PCDH9: variants seen among roughly 807,000 people sequenced by gnomAD.
PCDH9 encodes protocadherin-9.
A neutral mutation model predicts 70.6 loss-of-function variants in PCDH9; 24 were observed. The ratio of observed to expected loss-of-function variants is 0.34; its 90% CI spans 0.25 to 0.48. The LOEUF (loss-of-function observed/expected upper bound fraction) is 0.48. Ranked by LOEUF, PCDH9 falls within the 20% of genes least tolerant of loss-of-function variation. PCDH9 has a pLI of 0.99. For missense variants in PCDH9, 1,281 were observed against 1,503.6 expected, an observed-to-expected ratio of 0.85 and a Z score of 2.45; for synonymous variants, 562 against 558.5, an observed-to-expected ratio of 1.01 and a Z score of -0.09.
intron 3 of PCDH9, among the ~76,000 whole-genome samples, chr13:66,813,251 A>G (rs758555943): frequency 1.3e-4 from 19 of 150,822 alleles, no homozygotes; most frequent in Non-Finnish European, 2.5e-4. Flanking sequence ...GAATTCCTAA[A>G]GTAATTCCGA....
chr13:66,716,456 G>T (rs1378847094), intron 3 of PCDH9, among the ~76,000 whole-genome samples: 1 of 152,258 alleles, frequency 6.6e-6, no homozygotes, highest in Admixed American at 6.5e-5. Flanking sequence ...CAGAAAATGG[G>T]GGTTTGGGGA....
chr13:66,329,896 T>C lies in PCDH9; in HGVS notation c.3341-24868A>G, dbSNP rs567811464. ...CTGAAGCAAAACAGGTCTTTCTTAT[T>C]ATAAGAAAGTACTGCATTTCTAGAA... On this transcript the variant is annotated intron_variant, in intron 4 of 4. Coordinates refer to ENST00000377865, the MANE Select transcript of PCDH9 (RefSeq NM_203487.3). 4.6e-5 allele frequency among the ~76,000 whole-genome samples: 7 copies of C among 152,326 alleles called. No homozygotes were observed. In the South Asian group the frequency reaches 1.4e-3, roughly 32 times the overall value.
At chr13:66,877,141 T>G (rs933119275) in intron 3 of PCDH9, among the ~76,000 whole-genome samples, 17 of 152,000 alleles carry the variant, frequency 1.1e-4, no homozygotes, top group Middle Eastern at 3.4e-3. Flanking sequence ...GACCAGTGTA[T>G]GCTATTTTTG....
chr13:66,869,023 T>C (rs985740822), intron 3 of PCDH9, among the ~76,000 whole-genome samples: 7 of 152,158 alleles, frequency 4.6e-5, no homozygotes, highest in African/African-American at 1.7e-4. Context: ...CAACTGACTA[T>C]ACAATGAAAT....
chr13:66,929,662 A>G (rs909357029), intron 2 of PCDH9, among the ~76,000 whole-genome samples: 3 of 152,086 alleles, frequency 2.0e-5, no homozygotes, highest in African/African-American at 7.2e-5. Context: ...TCTATACCAT[A>G]ATAATTTGTA....
chr13:67,175,767 T>C (rs2088434108), intron 2 of PCDH9, among the ~76,000 whole-genome samples: 1 of 152,178 alleles, frequency 6.6e-6, no homozygotes. Context: ...CACCTAAAAC[T>C]CATACCTCCA....
intron 2 of PCDH9, among the ~76,000 whole-genome samples, chr13:67,095,016 T>G (rs2086292058): frequency 6.6e-6 from 1 of 152,198 alleles, no homozygotes; most frequent in African/African-American, 2.4e-5. Flanking sequence ...GTGAAACATT[T>G]GGCTCTCCTT....
chr13:66,907,554 T>C (rs1264997460), intron 2 of PCDH9, among the ~76,000 whole-genome samples: 1 of 152,214 alleles, frequency 6.6e-6, no homozygotes, highest in Admixed American at 6.5e-5. Flanking sequence ...TCACTACCTA[T>C]AGACATATCT....
At chr13:66,672,908 C>T (rs887963904) in intron 3 of PCDH9, among the ~76,000 whole-genome samples, 1 of 152,144 alleles carries the variant, frequency 6.6e-6, no homozygotes, top group Admixed American at 6.5e-5. Flanking sequence ...GGAAGTATTA[C>T]TAACTTTCTT....
chr13:67,218,403 A>G (rs914086817), intron 2 of PCDH9: 1 of 152,122 alleles, frequency 6.6e-6, no homozygotes, highest in African/African-American at 2.4e-5. Context: ...TATCAGCTCA[A>G]TGACAATTCT....
chr13:66,771,859 A>G (rs904411209), intron 3 of PCDH9, among the ~76,000 whole-genome samples: 5 of 152,214 alleles, frequency 3.3e-5, no homozygotes, highest in Non-Finnish European at 7.3e-5. Context: ...CTGAAAAGAG[A>G]CCCTGATAGA....
At chr13:66,583,504 C>T (rs1368757960) in intron 4 of PCDH9, among the ~76,000 whole-genome samples, 1 of 151,600 alleles carries the variant, frequency 6.6e-6, no homozygotes, top group Non-Finnish European at 1.5e-5. Context: ...CCCAGCTACT[C>T]GGGAGGCTGA....
At chr13:66,570,364 T>G (rs1382376430) in intron 4 of PCDH9, among the ~76,000 whole-genome samples, 1 of 152,066 alleles carries the variant, frequency 6.6e-6, no homozygotes. Flanking sequence ...GGTGGATACA[T>G]GAAACTACAC....
At chr13:67,204,021 G>C (rs1566493943) in intron 2 of PCDH9, 2 of 151,936 alleles carry the variant, frequency 1.3e-5, no homozygotes, top group African/African-American at 4.8e-5. Context: ...AAAAGACATG[G>C]AAAAAATATT....
chr13:66,406,587 A>G (rs1478420454), intron 4 of PCDH9, among the ~76,000 whole-genome samples: 1 of 152,204 alleles, frequency 6.6e-6, no homozygotes, highest in East Asian at 1.9e-4. Flanking sequence ...TTTACTACAC[A>G]TATTCATCTT....
intron 2 of PCDH9, among the ~76,000 whole-genome samples, chr13:67,164,094 T>C (rs1998785): frequency 0.94 from 143,383 of 152,256 alleles, 67,742 homozygotes; most frequent in Non-Finnish European, 0.98. Flanking sequence ...TTACTAAATG[T>C]GTGTGCACCT....
Position 66,896,500 on chromosome 13 carries a change from A to G in PCDH9, c.3138+7004T>C, listed in dbSNP as rs191410113. On this transcript the variant is annotated intron_variant, in intron 3 of 4. Transcript: ENST00000377865. ...TGTAAAATTGGATATTAACATTTAC[A>G]TACATATGCAACCATATGCCAGATT... 2.5e-3 allele frequency among the ~76,000 whole-genome samples: 382 copies of G among 152,306 alleles called. 1 individual carries two copies. The highest frequency in any genetic ancestry group is 3.7e-3 in the Non-Finnish European group (249 of 68,016).
intron 3 of PCDH9, among the ~76,000 whole-genome samples, chr13:66,663,464 G>A (rs1004682609): frequency 1.3e-5 from 2 of 152,120 alleles, no homozygotes; most frequent in African/African-American, 4.8e-5. Context: ...GATAAAAAGA[G>A]ATTTGAGAAA....
At chr13:67,118,202 CAAACA>C (rs1035731192) in intron 2 of PCDH9, among the ~76,000 whole-genome samples, 2 of 113,388 alleles carry the variant, frequency 1.8e-5, no homozygotes, top group Middle Eastern at 5.0e-3. Context: ...CCATCCAAAC[CAAACA>C]GAGAGAATGT....
Sources: gnomAD v4.1 joint callset for allele counts (sites outside exome capture counted in the v4.1 genomes callset) on GRCh38, gnomAD v4.1.1 for gene constraint, MANE v1.5 for transcripts, NCBI Gene and HGNC (gene_info 2026-07-23, HGNC 2026-07-21) for gene names.